Variants in CADPS observed in about 807,000 individuals in gnomAD.
The protein encoded by CADPS is calcium dependent secretion activator, also known as calcium-dependent secretion activator 1.
A neutral mutation model predicts 167.3 loss-of-function variants in CADPS; 57 were observed. That is an observed-to-expected ratio of 0.34 (90% CI 0.28 to 0.42). The LOEUF (loss-of-function observed/expected upper bound fraction) is 0.42. CADPS is among the 20% of genes least tolerant of loss of function. The probability of loss-of-function intolerance (pLI) is 1.00; values close to 1 mark genes in which losing one functional copy is unlikely to be tolerated. For synonymous variants in CADPS, 676 were observed against 635.3 expected (o/e 1.06, Z -0.96); for missense variants, 1,414 against 1,738.1 (o/e 0.81, Z 3.32).
rs145492284 is a variant in CADPS, at chr3:62,810,417, T to C, written c.442-44433A>G. Among the ~76,000 whole-genome samples, 80 of 152,292 alleles carry C rather than the reference T, an allele frequency of 5.3e-4. 1 individual carries two copies. In the East Asian group the frequency reaches 0.014, roughly 27 times the overall value. On this transcript the variant is annotated intron_variant, in intron 1 of 29. Coordinates refer to ENST00000383710, the MANE Select transcript of CADPS (RefSeq NM_003716.4). Reference sequence around the variant, plus strand: ...ATTATTATTATTAATATAATCATCATCATCATTCATGAGTATCAATTTCTG... The same window carrying C: ...ATTATTATTATTAATATAATCATCACCATCATTCATGAGTATCAATTTCTG...
chr3:62,767,983 C>T (rs757242353), intron 1 of CADPS, among the ~76,000 whole-genome samples: 2 of 152,144 alleles, frequency 1.3e-5, no homozygotes, highest in Admixed American at 1.3e-4. Context: ...AGTAACCAAA[C>T]TGCAGGAGTT....
chr3:62,548,556 G>T (rs186258597), intron 11 of CADPS, among the ~76,000 whole-genome samples: 4 of 152,224 alleles, frequency 2.6e-5, no homozygotes, highest in African/African-American at 9.6e-5. Context: ...GTTGCAAGGT[G>T]TAAGAATATA....
chr3:62,399,966 T>C lies in CADPS; in HGVS notation c.3883-381A>G, dbSNP rs1191870896. Among the ~76,000 whole-genome samples, 1 of 152,216 alleles carries C rather than the reference T, an allele frequency of 6.6e-6. No homozygotes were observed. Among genetic ancestry groups the C allele is most frequent in the Non-Finnish European group, 1.5e-5 (1 of 68,032 alleles). The stretch of plus-strand genomic sequence containing the variant: ...GGAAGGGGCTATAATATATAAATAA[T>C]GGATTGAGTGATTATGGTATTTTGT... On this transcript the variant is annotated intron_variant, in intron 29 of 29. Coordinates refer to ENST00000383710, the MANE Select transcript of CADPS (RefSeq NM_003716.4). This position sits in a 1 kb window ranked among gnomAD's most constrained non-coding sequence, Gnocchi z 5.6.
At chr3:62,652,341 G>C (rs1393821944) in intron 4 of CADPS, among the ~76,000 whole-genome samples, 1 of 149,436 alleles carries the variant, frequency 6.7e-6, no homozygotes, top group Non-Finnish European at 1.5e-5. Context: ...TTGTGGCTGG[G>C]AGTAGAACCC....
At chr3:62,835,419 T>C (rs191190787) in intron 1 of CADPS, among the ~76,000 whole-genome samples, 51 of 152,340 alleles carry the variant, frequency 3.3e-4, no homozygotes, top group Non-Finnish European at 3.7e-4. Context: ...AATTCAATTC[T>C]CTTTCACGAT....
intron 13 of CADPS, among the ~76,000 whole-genome samples, chr3:62,531,562 C>A (rs1034479462): frequency 6.6e-6 from 1 of 152,184 alleles, no homozygotes; most frequent in African/African-American, 2.4e-5. Context: ...AGTTGTATAG[C>A]TTGCAAAGAT....
chr3:62,679,608 G>C (rs1375493259), intron 3 of CADPS, among the ~76,000 whole-genome samples: 1 of 152,040 alleles, frequency 6.6e-6, no homozygotes, highest in Non-Finnish European at 1.5e-5. Flanking sequence ...TGGAGAGATA[G>C]TGAAATAACT....
chr3:62,710,223 C>T (rs1384458902), intron 3 of CADPS, among the ~76,000 whole-genome samples: 1 of 151,820 alleles, frequency 6.6e-6, no homozygotes, highest in Non-Finnish European at 1.5e-5. Flanking sequence ...ATGATTCCAT[C>T]TCATGAAGCG....
chr3:62,683,587 A>T, intron 3 of CADPS, among the ~76,000 whole-genome samples: 1 of 152,102 alleles, frequency 6.6e-6, no homozygotes, highest in East Asian at 1.9e-4. Context: ...GTCAAAACAT[A>T]TGAACAAACA....
rs2077082956 is a variant in CADPS, at chr3:62,550,101, G to T, written c.1768C>A (p.Arg590=). The T allele has an allele frequency of 1.2e-6, 2 of 1,613,708 alleles. No individual in the cohort carries two copies. The highest frequency in any genetic ancestry group is 2.7e-5 in the African/African-American group (2 of 74,878). Residue 590 remains arginine (R), a synonymous_variant, in exon 11 of 30, where the codon CGA becomes AGA. Transcript: ENST00000383710. ...TCCTTGACAGCATTGAAGAAGGCTC[G>T]GCCACCCTCCAAACCTGGAAGAAAA... ...TDPQPGLEGG[R]AFFNAVKEGD...
intron 28 of CADPS, among the ~76,000 whole-genome samples, chr3:62,405,922 C>T (rs540835628): frequency 6.6e-6 from 1 of 152,268 alleles, no homozygotes; most frequent in South Asian, 2.1e-4. Flanking sequence ...GCAATGCCTT[C>T]TAGAACTTTA....
At chr3:62,642,530 T>C (rs1464779423) in intron 6 of CADPS, among the ~76,000 whole-genome samples, 1 of 152,062 alleles carries the variant, frequency 6.6e-6, no homozygotes, top group Non-Finnish European at 1.5e-5. Context: ...AAAGAGATGA[T>C]GAAGAGGCTT....
rs149874929 is a variant in CADPS at position 62,587,460 on chromosome 3, C to A, written c.1438-2136G>T. Reference sequence around the variant, plus strand: ...GCTGCTGATTTCAGTGAAGCTGACCCTCCATCCTGAGCTGGTCTGGCCTGA... The same window carrying A: ...GCTGCTGATTTCAGTGAAGCTGACCATCCATCCTGAGCTGGTCTGGCCTGA... On this transcript the variant is annotated intron_variant, in intron 7 of 29. Transcript: ENST00000383710. Among the ~76,000 whole-genome samples, 586 of 152,268 alleles carry A rather than the reference C, an allele frequency of 3.8e-3. 5 individuals are homozygous for A. The highest frequency in any genetic ancestry group is 0.013 in the African/African-American group (552 of 41,570).
intron 3 of CADPS, among the ~76,000 whole-genome samples, chr3:62,729,633 AT>A (rs1422800743): frequency 6.6e-6 from 1 of 151,920 alleles, no homozygotes; most frequent in East Asian, 1.9e-4. Flanking sequence ...TATTTACCTT[AT>A]TGGGTTGTTG....
chr3:62,615,598 C>T (rs902601957), intron 6 of CADPS, among the ~76,000 whole-genome samples: 4 of 152,182 alleles, frequency 2.6e-5, no homozygotes, highest in Non-Finnish European at 5.9e-5. Context: ...CCGGTTTACA[C>T]TCAGTTTCTG....
intron 29 of CADPS, among the ~76,000 whole-genome samples, chr3:62,400,286 C>T (rs1705432740): frequency 6.6e-6 from 1 of 152,174 alleles, no homozygotes; most frequent in African/African-American, 2.4e-5. Context: ...TATTACTGCA[C>T]CACAAGTTCT....
At chr3:62,749,606 A>T (rs562725901) in intron 3 of CADPS, among the ~76,000 whole-genome samples, 2 of 152,342 alleles carry the variant, frequency 1.3e-5, no homozygotes, top group South Asian at 2.1e-4. Context: ...CTGTGAGTTG[A>T]TAAGAGTTGT....
At chr3:62,642,680 G>A (rs1267965976) in intron 6 of CADPS, among the ~76,000 whole-genome samples, 3 of 152,162 alleles carry the variant, frequency 2.0e-5, no homozygotes, top group Non-Finnish European at 2.9e-5. Context: ...GATGAGGCGG[G>A]GGCAGGTCAC....
chr3:62,751,175 A>G (rs2082616349), intron 3 of CADPS, among the ~76,000 whole-genome samples: 1 of 152,196 alleles, frequency 6.6e-6, no homozygotes, highest in South Asian at 2.1e-4. Context: ...ATATGTTGTG[A>G]AATATTATCA....
Sources: gnomAD v4.1 joint callset for allele counts (sites outside exome capture counted in the v4.1 genomes callset) on GRCh38, gnomAD v4.1.1 for gene constraint, Gnocchi (gnomAD v3.1) non-coding constraint, MANE v1.5 for transcripts, NCBI Gene and HGNC (gene_info 2026-07-23, HGNC 2026-07-21) for gene names.